The following MTCL2 variants were observed in gnomAD, a reference collection of about 807,000 sequenced individuals.
MTCL2 encodes microtubule crosslinking factor 2, also known as microtubule cross-linking factor 2.
the MTCL2 span, among the ~76,000 whole-genome samples, chr20:36,812,415 G>A: frequency 3.3e-5 from 5 of 152,278 alleles, no homozygotes; most frequent in Admixed American, 6.5e-5. Flanking sequence ...CTACATACAT[G>A]AGTAGTTCCA....
the MTCL2 span, among the ~76,000 whole-genome samples, chr20:36,809,732 C>T: frequency 2.8e-4 from 43 of 152,138 alleles, no homozygotes; most frequent in Non-Finnish European, 6.0e-4. Flanking sequence ...TGCTAGTGCA[C>T]GCCTGGCTAA....
At chr20:36,789,460 G>A in the MTCL2 span, among the ~76,000 whole-genome samples, 2 of 152,036 alleles carry the variant, frequency 1.3e-5, no homozygotes, top group African/African-American at 4.8e-5. Flanking sequence ...TTAGCAGTTC[G>A]AGACCAGCCT....
chr20:36,814,886 CA>C, the MTCL2 span, among the ~76,000 whole-genome samples: 2 of 151,400 alleles, frequency 1.3e-5, no homozygotes, highest in Middle Eastern at 3.4e-3. Flanking sequence ...GACTCCGTCT[CA>C]AAAAAAATAA....
At chr20:36,805,039 T>A in the MTCL2 span, 1 of 917,596 alleles carries the variant, frequency 1.1e-6, no homozygotes, top group East Asian at 2.7e-5. Context: ...CCCTAGGTCA[T>A]CTCACCCATA....
chr20:36,789,614 G>A, the MTCL2 span, among the ~76,000 whole-genome samples: 6 of 149,694 alleles, frequency 4.0e-5, no homozygotes, highest in South Asian at 2.1e-4. Flanking sequence ...GCAGTGAGCC[G>A]AGATCACACC....
the MTCL2 span, among the ~76,000 whole-genome samples, chr20:36,835,030 A>G: frequency 0.67 from 102,566 of 151,952 alleles, 35,309 homozygotes; most frequent in East Asian, 0.99. Flanking sequence ...CAACCAATAC[A>G]TGTTTATTTC....
At chr20:36,790,053 G>A in the MTCL2 span, among the ~76,000 whole-genome samples, 10 of 149,136 alleles carry the variant, frequency 6.7e-5, no homozygotes, top group East Asian at 4.0e-4. Flanking sequence ...GTGCAGTGGC[G>A]CGATCTCGGC....
the MTCL2 span, chr20:36,815,785 G>A: frequency 3.1e-6 from 5 of 1,591,768 alleles, no homozygotes; most frequent in Non-Finnish European, 4.3e-6. This position sits in a 1 kb window ranked among gnomAD's most constrained non-coding sequence, Gnocchi z 5.3. Flanking sequence ...GCCACGTCCA[G>A]CTCGTGCTCC....
the MTCL2 span, chr20:36,794,578 C>A: frequency 6.2e-7 from 1 of 1,614,002 alleles, no homozygotes; most frequent in African/African-American, 1.3e-5. This position sits in a 1 kb window ranked among gnomAD's most constrained non-coding sequence, Gnocchi z 5.4. Flanking sequence ...CAAACTCAGA[C>A]ATGGAAGAAA....
chr20:36,826,871 G>A, the MTCL2 span, among the ~76,000 whole-genome samples: 1 of 152,136 alleles, frequency 6.6e-6, no homozygotes, highest in Non-Finnish European at 1.5e-5. Flanking sequence ...CTAGAAGTGA[G>A]ATTGCTGGAT....
chr20:36,817,756 C>T, the MTCL2 span, among the ~76,000 whole-genome samples: 8 of 152,294 alleles, frequency 5.3e-5, no homozygotes, highest in Non-Finnish European at 7.4e-5. Flanking sequence ...TTGGCCTCGG[C>T]GAAGACTTGG....
the MTCL2 span, among the ~76,000 whole-genome samples, chr20:36,854,166 C>T: frequency 6.6e-6 from 1 of 152,188 alleles, no homozygotes. Flanking sequence ...CCAGTCTTGC[C>T]TCTTGCCACT....
the MTCL2 span, chr20:36,777,857 G>A: frequency 9.6e-6 from 6 of 625,888 alleles, no homozygotes; most frequent in African/African-American, 1.2e-4. Context: ...CTGGGGGTTG[G>A]AGCTGTTTTT....
the MTCL2 span, chr20:36,794,533 G>T: frequency 0.087 from 139,977 of 1,613,984 alleles, 6,887 homozygotes; most frequent in Middle Eastern, 0.15. The surrounding 1 kb of genome is among the most constrained non-coding windows in gnomAD (Gnocchi z 5.4). Flanking sequence ...GGGCATCTCC[G>T]CCAGCAAGGT....
At chr20:36,787,612 G>A in the MTCL2 span, among the ~76,000 whole-genome samples, 2 of 152,192 alleles carry the variant, frequency 1.3e-5, no homozygotes, top group African/African-American at 4.8e-5. Flanking sequence ...CTGCTGCCAG[G>A]CACGGTGGCT....
At chr20:36,833,347 G>A in the MTCL2 span, among the ~76,000 whole-genome samples, 2 of 152,238 alleles carry the variant, frequency 1.3e-5, no homozygotes, top group African/African-American at 2.4e-5. Flanking sequence ...AGGGAGGCGC[G>A]GCAGCTGCGG....
At chr20:36,829,049 C>T in the MTCL2 span, 1 of 1,544,082 alleles carries the variant, frequency 6.5e-7, no homozygotes, top group Non-Finnish European at 8.7e-7. Context: ...GCATGAGGTC[C>T]TCACCTCTCT....
At chr20:36,810,088 A>G in the MTCL2 span, 1 of 1,598,288 alleles carries the variant, frequency 6.3e-7, no homozygotes, top group Non-Finnish European at 8.5e-7. Context: ...CTCAGCCAGC[A>G]CCAGCTGCAG....
chr20:36,807,073 A>T, the MTCL2 span, among the ~76,000 whole-genome samples: 14 of 152,142 alleles, frequency 9.2e-5, no homozygotes, highest in African/African-American at 3.4e-4. Context: ...ACAGCTTCGG[A>T]CAGGAGGACC....
Sources: gnomAD v4.1 joint callset for allele counts (sites outside exome capture counted in the v4.1 genomes callset) on GRCh38, gnomAD v4.1.1 for gene constraint, Gnocchi (gnomAD v3.1) non-coding constraint, MANE v1.5 for transcripts, NCBI Gene and HGNC (gene_info 2026-07-23, HGNC 2026-07-21) for gene names.